Variants in FUT8 observed in about 807,000 individuals in gnomAD.
FUT8 encodes fucosyltransferase 8, also known as alpha-(1,6)-fucosyltransferase.
Under a neutral mutation model 71.3 loss-of-function variants are expected in FUT8, and 29 were observed. The ratio of observed to expected loss-of-function variants is 0.41; its 90% CI spans 0.30 to 0.55. The LOEUF is 0.55. FUT8 is among the 20% of genes least tolerant of loss of function. The pLI, the probability that FUT8 is intolerant of heterozygous loss-of-function variation, is 0.34. For missense variants in FUT8, 544 were observed against 702.1 expected (o/e 0.77, Z 2.55); for synonymous variants, 254 against 239.3 (o/e 1.06, Z -0.57).
At chr14:65,526,654 G>T (rs1004433409) in intron 2 of FUT8, among the ~76,000 whole-genome samples, 7 of 152,140 alleles carry the variant, frequency 4.6e-5, no homozygotes, top group African/African-American at 1.7e-4. Context: ...TTTCTTCCTG[G>T]TATCGATGGT....
intron 1 of FUT8, among the ~76,000 whole-genome samples, chr14:65,432,662 G>T (rs1481176650): frequency 6.6e-6 from 1 of 151,980 alleles, no homozygotes; most frequent in Non-Finnish European, 1.5e-5. Context: ...AATAAAACAG[G>T]TTGCAGTTAA....
intron 2 of FUT8, among the ~76,000 whole-genome samples, chr14:65,530,319 A>G (rs1401338123): frequency 6.6e-6 from 1 of 152,144 alleles, no homozygotes; most frequent in Non-Finnish European, 1.5e-5. Flanking sequence ...TTCCCTTATT[A>G]CAGAAATCAG....
intron 6 of FUT8, among the ~76,000 whole-genome samples, chr14:65,659,589 A>AACTG (rs1196574630): frequency 5.3e-5 from 8 of 152,024 alleles, no homozygotes; most frequent in Non-Finnish European, 8.8e-5. Context: ...AAAGGCCGAG[A>AACTG]ACTGATACTT....
chr14:65,616,431 G>A, intron 5 of FUT8, 58 bp downstream of exon 5: 1 of 1,384,644 alleles, frequency 7.2e-7, no homozygotes, highest in South Asian at 1.5e-5. Context: ...ATCTAAGAAT[G>A]AGAAACAGAC....
At chr14:65,624,604 A>G (rs1889798454) in intron 5 of FUT8, among the ~76,000 whole-genome samples, 1 of 152,208 alleles carries the variant, frequency 6.6e-6, no homozygotes, top group African/African-American at 2.4e-5. Context: ...AATGAAATGT[A>G]ATGCTTTTTG....
intron 2 of FUT8, among the ~76,000 whole-genome samples, chr14:65,539,907 T>A (rs1884575479): frequency 6.6e-6 from 1 of 152,164 alleles, no homozygotes; most frequent in South Asian, 2.1e-4. Flanking sequence ...ACAGAATGAG[T>A]CCCAACATTC....
chr14:65,599,548 C>A (rs1323887857), intron 3 of FUT8, among the ~76,000 whole-genome samples: 1 of 152,152 alleles, frequency 6.6e-6, no homozygotes, highest in Admixed American at 6.5e-5. Flanking sequence ...GGACCTATGT[C>A]ATATAAAGGC....
chr14:65,689,405 C>A (rs752926022), intron 7 of FUT8, among the ~76,000 whole-genome samples: 19 of 152,082 alleles, frequency 1.2e-4, no homozygotes, highest in Non-Finnish European at 1.5e-4. Flanking sequence ...GGAAAGAGTT[C>A]TTATATATTT....
chr14:65,366,781 C>T, the FUT8 span, among the ~76,000 whole-genome samples: 107,615 of 152,042 alleles, frequency 0.71, 41,481 homozygotes, highest in Non-Finnish European at 0.86. Context: ...TTCTTTTAAA[C>T]CAGTTTTTCA....
intron 1 of FUT8, among the ~76,000 whole-genome samples, chr14:65,414,550 A>G (rs1413826662): frequency 6.6e-6 from 1 of 152,244 alleles, no homozygotes; most frequent in African/African-American, 2.4e-5. Context: ...TGGTATGTGT[A>G]TAGAAAATCT....
rs1306404579 is a variant in FUT8, at chr14:65,550,715, T to C, written c.-227-10622T>C. ...ATTTCGATACTTGTTTCAGCGCTCT[T>C]GTCTGCTGTCATCATTGTCATTTCT... On this transcript the variant is annotated intron_variant, in intron 2 of 10. Coordinates refer to ENST00000673929, the MANE Select transcript of FUT8 (RefSeq NM_001371533.1). This position sits in a 1 kb window ranked among gnomAD's most constrained non-coding sequence, Gnocchi z 4.5. 1.3e-5 allele frequency among the ~76,000 whole-genome samples: 2 copies of C among 152,240 alleles called. No homozygotes were observed. The highest frequency in any genetic ancestry group is 4.8e-5 in the African/African-American group (2 of 41,472).
chr14:65,517,760 A>G lies in FUT8; in HGVS notation c.-227-43577A>G, dbSNP rs138533219. On this transcript the variant is annotated intron_variant, in intron 2 of 10. Transcript: ENST00000673929. ...CCCTACTCCCACCTTGCACTGGGTA[A>G]TTTTTTGTTGTGGATACATTTCTTA... 2.6e-5 allele frequency among the ~76,000 whole-genome samples: 4 copies of G among 152,212 alleles called. No individual in the cohort carries two copies. The East Asian group carries it at 7.7e-4, about 29-fold the overall frequency.
At chr14:65,655,918 G>A (rs1891656215) in intron 6 of FUT8, among the ~76,000 whole-genome samples, 1 of 152,106 alleles carries the variant, frequency 6.6e-6, no homozygotes, top group Non-Finnish European at 1.5e-5. Flanking sequence ...TTCCCTTCAT[G>A]ATAAAAACCC....
At chr14:65,617,139 G>A (rs1258234209) in intron 5 of FUT8, 8 of 1,594,258 alleles carry the variant, frequency 5.0e-6, no homozygotes, top group Admixed American at 3.7e-5. Flanking sequence ...AAGAAAAATT[G>A]TTGTATTAGC....
chr14:65,591,600 TAG>T (rs1210387951), intron 3 of FUT8, among the ~76,000 whole-genome samples: 1 of 152,100 alleles, frequency 6.6e-6, no homozygotes, highest in African/African-American at 2.4e-5. Flanking sequence ...AGAGGTAAGA[TAG>T]AGTTATGATT....
At chr14:65,697,498 C>T (rs931036901) in intron 7 of FUT8, among the ~76,000 whole-genome samples, 15 of 152,188 alleles carry the variant, frequency 9.9e-5, no homozygotes, top group African/African-American at 3.6e-4. Context: ...AGATTAAGCT[C>T]TGGTAAACTA....
chr14:65,687,526 GAAA>G (rs1274034827), intron 7 of FUT8, among the ~76,000 whole-genome samples: 5 of 152,018 alleles, frequency 3.3e-5, no homozygotes, highest in Non-Finnish European at 7.4e-5. Context: ...AGAAAGTACA[GAAA>G]ATCCAAAAAT....
At chr14:65,522,467 CTTATT>C (rs1268751049) in intron 2 of FUT8, among the ~76,000 whole-genome samples, 3 of 151,908 alleles carry the variant, frequency 2.0e-5, no homozygotes, top group Non-Finnish European at 2.9e-5. Flanking sequence ...GTATCAAACT[CTTATT>C]TAATGAATGA....
the FUT8 span, among the ~76,000 whole-genome samples, chr14:65,390,781 T>C: frequency 6.7e-6 from 1 of 149,580 alleles, no homozygotes; most frequent in Admixed American, 6.8e-5. Flanking sequence ...TGGAGTGCAG[T>C]GGCGCCATCT....
Sources: allele counts gnomAD v4.1 joint callset (sites outside exome capture counted in the v4.1 genomes callset), GRCh38; gene constraint gnomAD v4.1.1; non-coding constraint Gnocchi (gnomAD v3.1); transcripts MANE v1.5; gene names NCBI Gene and HGNC (gene_info 2026-07-23, HGNC 2026-07-21).